Variants in SH3KBP1 observed in about 807,000 individuals in gnomAD.
SH3KBP1 encodes SH3 domain-containing kinase-binding protein 1.
A neutral mutation model predicts 50.1 loss-of-function variants in SH3KBP1; 8 were observed. The observed-to-expected ratio is 0.16, with a 90% CI of 0.09 to 0.29. The LOEUF is 0.29. Ranked by LOEUF, SH3KBP1 falls within the 10% of genes least tolerant of loss-of-function variation. SH3KBP1 has a pLI of 1.00. For missense variants in SH3KBP1, 377 were observed against 535.2 expected, an observed-to-expected ratio of 0.70 and a Z score of 2.92; for synonymous variants, 227 against 218.6, an observed-to-expected ratio of 1.04 and a Z score of -0.34.
chrX:19,658,675 G>A (rs1179628019), intron 6 of SH3KBP1, among the ~76,000 whole-genome samples: 2 of 107,112 alleles, frequency 1.9e-5, no homozygotes, highest in African/African-American at 3.4e-5. Flanking sequence ...AGTGATTCCC[G>A]TACCTCAGCC....
intron 5 of SH3KBP1, chrX:19,687,761 C>T (rs2063198997): frequency 3.8e-6 from 3 of 794,163 alleles, no homozygotes; most frequent in Non-Finnish European, 3.8e-6. Flanking sequence ...CAAATGATGG[C>T]AAAAGAAGGA....
chrX:19,759,870 A>G (rs2065324596), intron 2 of SH3KBP1, among the ~76,000 whole-genome samples: 1 of 111,192 alleles, frequency 9.0e-6, no homozygotes, highest in Non-Finnish European at 1.9e-5. Context: ...AAGGAATGGG[A>G]GGAGGGGGGT....
intron 12 of SH3KBP1, among the ~76,000 whole-genome samples, chrX:19,570,839 C>A (rs1163869678): frequency 1.8e-5 from 2 of 111,493 alleles, no homozygotes; most frequent in East Asian, 5.6e-4. Context: ...GCCTGTGGTC[C>A]CAGCTACTTG....
intron 13 of SH3KBP1, among the ~76,000 whole-genome samples, chrX:19,555,967 C>T (rs1248962217): frequency 1.8e-5 from 2 of 112,117 alleles, no homozygotes; most frequent in Non-Finnish European, 3.8e-5. Context: ...TCTGCCTCCC[C>T]CACCAGCCAG....
At chrX:19,779,589 C>T (rs1178012746) in intron 2 of SH3KBP1, among the ~76,000 whole-genome samples, 1 of 74,123 alleles carries the variant, frequency 1.3e-5, no homozygotes, top group African/African-American at 5.1e-5. Flanking sequence ...CCCCCCACCC[C>T]ACAACAGGCC....
At chrX:19,697,142 G>C (rs2063434391) in intron 4 of SH3KBP1, among the ~76,000 whole-genome samples, 1 of 111,870 alleles carries the variant, frequency 8.9e-6, no homozygotes, top group African/African-American at 3.3e-5. Context: ...GAGCTATGCT[G>C]TTTGGTAGGT....
intron 15 of SH3KBP1, among the ~76,000 whole-genome samples, chrX:19,544,642 T>G (rs1056092919): frequency 8.9e-6 from 1 of 111,859 alleles, no homozygotes; most frequent in African/African-American, 3.2e-5. Context: ...CTGACTGACT[T>G]CCAGACACTT....
intron 5 of SH3KBP1, among the ~76,000 whole-genome samples, chrX:19,692,669 G>GTATA (rs1190799937): frequency 1.3e-5 from 1 of 76,202 alleles, no homozygotes; most frequent in Non-Finnish European, 2.4e-5. Flanking sequence ...GTGTGTGTGT[G>GTATA]TATGTATATA....
At chrX:19,699,877 G>A (rs997334442) in intron 4 of SH3KBP1, among the ~76,000 whole-genome samples, 10 of 111,613 alleles carry the variant, frequency 9.0e-5, no homozygotes, top group African/African-American at 3.3e-4. Flanking sequence ...GGCTATTCAG[G>A]CCAGTTCCTA....
At chrX:19,822,351 T>A (rs1296527659) in intron 2 of SH3KBP1, among the ~76,000 whole-genome samples, 1 of 112,230 alleles carries the variant, frequency 8.9e-6, no homozygotes, top group Non-Finnish European at 1.9e-5. Context: ...GCTCTGTTCA[T>A]TTTTTACAGA....
intron 11 of SH3KBP1, among the ~76,000 whole-genome samples, chrX:19,591,469 A>G (rs2066747553): frequency 4.5e-5 from 5 of 111,023 alleles, no homozygotes; most frequent in Admixed American, 1.9e-4. Context: ...TTTCCTGCCA[A>G]TGACACTCCT....
chrX:19,713,150 G>C (rs1290088086), intron 3 of SH3KBP1, among the ~76,000 whole-genome samples: 1 of 111,034 alleles, frequency 9.0e-6, no homozygotes, highest in Non-Finnish European at 1.9e-5. Flanking sequence ...TTGAACCCAG[G>C]AGACTGCAGT....
Position 19,707,830 on chromosome X carries a change from GAGACAGACAGAC to G in SH3KBP1, c.287-858_287-847del, listed in dbSNP as rs56755263. On this transcript the variant is annotated intron_variant, in intron 3 of 17. Transcript: ENST00000397821. ...AAAGAACGTGTATGGGGGTGAGGGTGAGACAGACAGACAGACAGACAGACAGACAGACAGACA... is the reference window on the plus strand; with the variant it reads ...AAAGAACGTGTATGGGGGTGAGGGTGAGACAGACAGACAGACAGACAGACA... Among the ~76,000 whole-genome samples the G allele has an allele frequency of 5.5e-4, 59 of 107,409 alleles. No homozygotes were observed. In the South Asian group the frequency reaches 0.01, roughly 19 times the overall value. 93.3% of individuals were successfully genotyped at this position (107,409 alleles called of 115,157 possible).
At chrX:19,731,921 T>C (rs1206987741) in intron 3 of SH3KBP1, among the ~76,000 whole-genome samples, 2 of 112,140 alleles carry the variant, frequency 1.8e-5, no homozygotes, top group African/African-American at 3.2e-5. Context: ...AAAATTCATT[T>C]AAGATCAGAT....
chrX:19,863,269 C>G (rs763821799), intron 1 of SH3KBP1, among the ~76,000 whole-genome samples: 1 of 111,248 alleles, frequency 9.0e-6, no homozygotes, highest in East Asian at 2.8e-4. Flanking sequence ...AGGATCATAG[C>G]TCACTACAGC....
chrX:19,571,211 C>A (rs950528354), intron 12 of SH3KBP1, among the ~76,000 whole-genome samples: 2 of 112,280 alleles, frequency 1.8e-5, no homozygotes, highest in Non-Finnish European at 3.8e-5. Flanking sequence ...ATGATGCTGG[C>A]TGGGCCCTTC....
chrX:19,772,364 C>A (rs1352989864), intron 2 of SH3KBP1, among the ~76,000 whole-genome samples: 1 of 111,052 alleles, frequency 9.0e-6, no homozygotes, highest in East Asian at 2.8e-4. Flanking sequence ...CTTTGGGAAG[C>A]TTTGTGACCT....
chrX:19,719,883 T>C (rs746767212), intron 3 of SH3KBP1, among the ~76,000 whole-genome samples: 1 of 102,814 alleles, frequency 9.7e-6, no homozygotes, highest in Non-Finnish European at 2.0e-5. Flanking sequence ...ATAATAACAA[T>C]AATAATAATA....
chrX:19,855,204 G>A (rs1368977826), intron 1 of SH3KBP1, among the ~76,000 whole-genome samples: 8 of 110,836 alleles, frequency 7.2e-5, no homozygotes, highest in South Asian at 3.8e-4. Context: ...GGCTGGTCTC[G>A]AACTCCTGAC....
Sources: allele counts gnomAD v4.1 joint callset (sites outside exome capture counted in the v4.1 genomes callset), GRCh38; gene constraint gnomAD v4.1.1; transcripts MANE v1.5; gene names NCBI Gene and HGNC (gene_info 2026-07-23, HGNC 2026-07-21).